PLEKHA3: variants seen among roughly 807,000 people sequenced by gnomAD.
PLEKHA3 encodes the protein pleckstrin homology domain containing A3, also known as pleckstrin homology domain-containing family A member 3.
A neutral mutation model predicts 39.2 loss-of-function variants in PLEKHA3; 19 were observed. The ratio of observed to expected loss-of-function variants is 0.48; its 90% CI spans 0.34 to 0.71. The LOEUF (loss-of-function observed/expected upper bound fraction) is 0.71. Ranked by LOEUF, PLEKHA3 falls within the 30% of genes least tolerant of loss-of-function variation. The pLI is 0.01. For synonymous variants in PLEKHA3, 97 were observed against 118.6 expected (o/e 0.82, Z 1.18); for missense variants, 253 against 359.5 (o/e 0.70, Z 2.40).
intron 1 of PLEKHA3, among the ~76,000 whole-genome samples, chr2:178,483,351 AAG>A (rs1476031289): frequency 1.3e-5 from 2 of 152,170 alleles, no homozygotes; most frequent in Non-Finnish European, 2.9e-5. Context: ...AAAAAAAAAA[AAG>A]AATTTTAAAA....
rs1193615058 is a variant in PLEKHA3, at chr2:178,506,187, T to C, written c.*2300T>C. ...ATTATTGGTTATTATTAGTTATTAGTAGTCCCTTTTTTTTGCTTTGTCTAG... is the reference window on the plus strand; with the variant it reads ...ATTATTGGTTATTATTAGTTATTAGCAGTCCCTTTTTTTTGCTTTGTCTAG... On this transcript the variant is annotated 3_prime_UTR_variant, in exon 8 of 8. Coordinates refer to ENST00000234453, the MANE Select transcript of PLEKHA3 (RefSeq NM_019091.4). The C allele has an allele frequency of 6.6e-6, 1 of 152,152 alleles. No homozygotes were observed. The highest frequency in any genetic ancestry group is 1.9e-4 in the East Asian group (1 of 5,200). The allele number at this position is 152,152 out of a possible 1,614,324, so 9.4% of individuals were successfully genotyped here.
chr2:178,488,913 G>C (rs1685300644), intron 2 of PLEKHA3: 1 of 429,154 alleles, frequency 2.3e-6, no homozygotes, highest in Non-Finnish European at 4.7e-6. Context: ...TAGAGGTCTT[G>C]TCCATCTTTT....
chr2:178,489,594 G>T (rs1204654807), intron 2 of PLEKHA3, among the ~76,000 whole-genome samples: 1 of 151,458 alleles, frequency 6.6e-6, no homozygotes, highest in African/African-American at 2.4e-5. Flanking sequence ...CCAAGTTGCT[G>T]GGTCTACAGG....
At chr2:178,483,921 A>T (rs1002747624) in intron 1 of PLEKHA3, among the ~76,000 whole-genome samples, 9 of 152,106 alleles carry the variant, frequency 5.9e-5, no homozygotes, top group Non-Finnish European at 1.0e-4. Flanking sequence ...TCTATAAAAA[A>T]TTAAAAAATT....
At chr2:178,481,310 G>C (rs1449454237) in intron 1 of PLEKHA3, among the ~76,000 whole-genome samples, 5 of 152,164 alleles carry the variant, frequency 3.3e-5, no homozygotes, top group Non-Finnish European at 7.4e-5. Flanking sequence ...TCAACTACAA[G>C]ATTTAATTTT....
chr2:178,496,151 G>A (rs1272546423), intron 5 of PLEKHA3, among the ~76,000 whole-genome samples: 2 of 152,190 alleles, frequency 1.3e-5, no homozygotes, highest in Non-Finnish European at 2.9e-5. Flanking sequence ...GTTTCTTCAT[G>A]TGTAAAAATA....
intron 6 of PLEKHA3, 84 bp from the exon 7 acceptor site, chr2:178,500,977 A>T: frequency 1.2e-6 from 1 of 839,888 alleles, no homozygotes; most frequent in South Asian, 1.6e-5. Context: ...TTTTCACTTA[A>T]AGAGAAGTCA....
intron 3 of PLEKHA3, 144 bp downstream of exon 3, chr2:178,490,958 C>A: frequency 5.4e-5 from 29 of 537,020 alleles, no homozygotes; most frequent in South Asian, 8.2e-5. Context: ...TCATAGTAAA[C>A]ATTTTGTAAA....
At chr2:178,499,684 A>G (rs777598165) in intron 6 of PLEKHA3, among the ~76,000 whole-genome samples, 3 of 152,180 alleles carry the variant, frequency 2.0e-5, no homozygotes, top group Non-Finnish European at 4.4e-5. Flanking sequence ...CATTCAGTAC[A>G]GTAACATGCA....
At chr2:178,492,003 T>C (rs368948990) in intron 3 of PLEKHA3, among the ~76,000 whole-genome samples, 107 of 152,286 alleles carry the variant, frequency 7.0e-4, no homozygotes, top group African/African-American at 2.5e-3. Context: ...TTGTTAAAAG[T>C]ACTACTTTCC....
In PLEKHA3 at chr2:178,502,896, T is replaced by C. The variant is rs577971469; in HGVS notation, c.776-864T>C. 8.6e-5 allele frequency among the ~76,000 whole-genome samples: 13 copies of C among 152,028 alleles called. No individual in the cohort carries two copies. In the South Asian group the frequency reaches 2.7e-3, roughly 31 times the overall value. ...AGTATAGACTAGGTCAGAAATTTTA[T>C]CCTTAGATTTTTTCCTGTTTATACT... On this transcript the variant is annotated intron_variant, in intron 7 of 7. Coordinates refer to ENST00000234453, the MANE Select transcript of PLEKHA3 (RefSeq NM_019091.4).
intron 1 of PLEKHA3, among the ~76,000 whole-genome samples, chr2:178,482,554 A>C (rs76833161): frequency 7.5e-6 from 1 of 133,160 alleles, no homozygotes; most frequent in Non-Finnish European, 1.5e-5. Context: ...TCCTGTCTCA[A>C]AAAAAAAAAA....
At chr2:178,489,250 A>G (rs1276475374) in intron 2 of PLEKHA3, among the ~76,000 whole-genome samples, 5 of 152,182 alleles carry the variant, frequency 3.3e-5, no homozygotes, top group Non-Finnish European at 7.3e-5. Context: ...GCAACTAAGA[A>G]TGACCCATAT....
chr2:178,483,290 G>A (rs983325122), intron 1 of PLEKHA3, among the ~76,000 whole-genome samples: 1 of 151,128 alleles, frequency 6.6e-6, no homozygotes, highest in African/African-American at 2.4e-5. Flanking sequence ...AGAATCCTTT[G>A]TAGAGAGTAA....
chr2:178,499,296 A>G (rs1421840679), intron 6 of PLEKHA3, 42 bp downstream of exon 6: 2 of 1,598,544 alleles, frequency 1.3e-6, no homozygotes, highest in Non-Finnish European at 1.7e-6. Context: ...CTCAAATTAT[A>G]TCCATCTAGG....
chr2:178,486,879 CT>C (rs1298263957), intron 2 of PLEKHA3, among the ~76,000 whole-genome samples: 1 of 152,210 alleles, frequency 6.6e-6, no homozygotes, highest in Admixed American at 6.5e-5. Flanking sequence ...TTTAGTGTAT[CT>C]CTAGAAGTGG....
intron 1 of PLEKHA3, among the ~76,000 whole-genome samples, chr2:178,481,113 T>A (rs138696143): frequency 1.2e-4 from 18 of 152,290 alleles, no homozygotes; most frequent in Middle Eastern, 3.4e-3. Flanking sequence ...GAAGTGCACC[T>A]GCCACTTCTT....
intron 2 of PLEKHA3, among the ~76,000 whole-genome samples, chr2:178,490,205 A>T (rs1685322160): frequency 6.6e-6 from 1 of 152,230 alleles, no homozygotes; most frequent in Admixed American, 6.5e-5. Flanking sequence ...AGGGCATATC[A>T]TAGAGTTACT....
In PLEKHA3 at chr2:178,505,631, T is replaced by C. The variant is rs1481090541; in HGVS notation, c.*1744T>C. On this transcript the variant is annotated 3_prime_UTR_variant, in exon 8 of 8. Transcript: ENST00000234453. Reference sequence around the variant, plus strand: ...ACCATGAAGGTCAGGGTGCTATTGATTGGGAGTTTTTTCTGGTAGTGAGTT... The same window carrying C: ...ACCATGAAGGTCAGGGTGCTATTGACTGGGAGTTTTTTCTGGTAGTGAGTT... 1 of 151,624 alleles carries C rather than the reference T, an allele frequency of 6.6e-6. No homozygotes were observed. Among genetic ancestry groups the C allele is most frequent in the East Asian group, 1.9e-4 (1 of 5,190 alleles). The allele number at this position is 151,624 out of a possible 1,614,324, so 9.4% of individuals were successfully genotyped here.
Sources: allele counts gnomAD v4.1 joint callset (sites outside exome capture counted in the v4.1 genomes callset), GRCh38; gene constraint gnomAD v4.1.1; transcripts MANE v1.5; gene names NCBI Gene and HGNC (gene_info 2026-07-23, HGNC 2026-07-21).